Variants in NAALADL2 observed in about 807,000 individuals in gnomAD.
The protein encoded by NAALADL2 is inactive N-acetylated-alpha-linked acidic dipeptidase-like protein 2.
A neutral mutation model predicts 87.2 loss-of-function variants in NAALADL2; 76 were observed. The observed-to-expected ratio is 0.87, with a 90% CI of 0.72 to 1.05. The LOEUF (loss-of-function observed/expected upper bound fraction) is 1.05, where lower values mean the gene tolerates loss of function less well. Among genes scored for constraint, NAALADL2 ranks in the 50% least tolerant of loss-of-function variants. The pLI, the probability that NAALADL2 is intolerant of heterozygous loss-of-function variation, is 0.00. For synonymous variants in NAALADL2, 354 were observed against 331.0 expected, an observed-to-expected ratio of 1.07 and a Z score of -0.75; for missense variants, 1,089 against 945.8, an observed-to-expected ratio of 1.15 and a Z score of -1.99.
upstream of NAALADL2, among the ~76,000 whole-genome samples, chr3:174,856,967 T>TAC (rs1274811410): frequency 3.0e-3 from 464 of 152,184 alleles, 2 homozygotes; most frequent in African/African-American, 0.011. Context: ...CTATATGTGG[T>TAC]TCAAGCATTC....
At position 175,594,635 on chromosome 3, in the gene NAALADL2, G is replaced by A. The variant is rs143777759; in HGVS notation, c.1800+18448G>A. ...ACATTCCCATCAACAGTATATAAGC[G>A]TTACCTTTTGTCTGCATTTTTGCCA... On this transcript the variant is annotated intron_variant, in intron 10 of 13. Transcript: ENST00000454872. Among the ~76,000 whole-genome samples the A allele has an allele frequency of 2.1e-3, 319 of 152,176 alleles. 2 individuals are homozygous for A. The highest frequency in any genetic ancestry group is 7.2e-3 in the African/African-American group (297 of 41,536).
At chr3:174,636,455 T>TA (rs889839231) in intron 2 of NAALADL2, among the ~76,000 whole-genome samples, 8 of 151,914 alleles carry the variant, frequency 5.3e-5, no homozygotes, top group Admixed American at 3.9e-4. Context: ...CAAACAACAG[T>TA]AAAAATATAC....
rs532354120 is a variant in NAALADL2, at chr3:174,944,477, T to G, written c.43+85027T>G. ...CAGGGAGGTACAATGCTGCTACCAGTGGCTAGCTGGAATTCCAAGCCAGTC... is the reference window on the plus strand; with the variant it reads ...CAGGGAGGTACAATGCTGCTACCAGGGGCTAGCTGGAATTCCAAGCCAGTC... On this transcript the variant is annotated intron_variant, in intron 1 of 13. Coordinates refer to ENST00000454872, the MANE Select transcript of NAALADL2 (RefSeq NM_207015.3). 7.9e-5 allele frequency among the ~76,000 whole-genome samples: 12 copies of G among 152,178 alleles called. No individual in the cohort carries two copies. The South Asian group carries it at 2.3e-3, about 29-fold the overall frequency.
rs566034312 is a variant in NAALADL2 at position 174,918,547 on chromosome 3, T to G, written c.43+59097T>G. Among the ~76,000 whole-genome samples, 5 of 152,268 alleles carry G rather than the reference T, an allele frequency of 3.3e-5. No homozygotes were observed. The South Asian group carries it at 1.0e-3, about 32-fold the overall frequency. ...TGGATCATCTAGGTGATTGCGCTGA[T>G]CAAGGATCTGGCGGTTGATTGGCTG... is the stretch of plus-strand genomic sequence containing the variant. On this transcript the variant is annotated intron_variant, in intron 1 of 13. Coordinates refer to ENST00000454872, the MANE Select transcript of NAALADL2 (RefSeq NM_207015.3).
At chr3:175,202,855 T>C (rs1195012912) in intron 2 of NAALADL2, among the ~76,000 whole-genome samples, 1 of 151,914 alleles carries the variant, frequency 6.6e-6, no homozygotes, top group Non-Finnish European at 1.5e-5. Flanking sequence ...CTAGGAGGAT[T>C]ATGGCTGCCT....
At chr3:175,315,047 C>A (rs1052557436) in intron 4 of NAALADL2, among the ~76,000 whole-genome samples, 7 of 152,004 alleles carry the variant, frequency 4.6e-5, no homozygotes, top group African/African-American at 1.7e-4. Context: ...TACAATGTCA[C>A]TTGGTTTACT....
intron 1 of NAALADL2, among the ~76,000 whole-genome samples, chr3:174,875,116 A>T: frequency 9.9e-6 from 1 of 100,648 alleles, no homozygotes; most frequent in African/African-American, 5.5e-5. Context: ...CTGTCTCAAA[A>T]AAAAAAAAAA....
At chr3:174,823,269 A>T (rs1721624293) in intron 3 of NAALADL2, among the ~76,000 whole-genome samples, 1 of 151,890 alleles carries the variant, frequency 6.6e-6, no homozygotes, top group Non-Finnish European at 1.5e-5. Flanking sequence ...GACAGAACAA[A>T]TACAGCTCCT....
intron 13 of NAALADL2, among the ~76,000 whole-genome samples, chr3:175,788,667 A>G (rs572624894): frequency 1.3e-5 from 2 of 152,306 alleles, no homozygotes; most frequent in African/African-American, 4.8e-5. Flanking sequence ...ATATTCCTGT[A>G]GTTAAGTAAT....
intron 2 of NAALADL2, among the ~76,000 whole-genome samples, chr3:174,694,316 G>A (rs1008119846): frequency 3.3e-5 from 5 of 151,898 alleles, no homozygotes; most frequent in East Asian, 1.9e-4. Flanking sequence ...ATGTTATGTC[G>A]GACTGTTCCT....
At position 174,980,035 on chromosome 3, in the gene NAALADL2, T is replaced by C. The variant is rs372261221; in HGVS notation, c.44-116755T>C. Among the ~76,000 whole-genome samples, 5 of 152,276 alleles carry C rather than the reference T, an allele frequency of 3.3e-5. No individual in the cohort carries two copies. In the East Asian group the frequency reaches 9.7e-4, roughly 29 times the overall value. On this transcript the variant is annotated intron_variant, in intron 1 of 13. Transcript: ENST00000454872. Reference sequence around the variant, plus strand: ...CTCATGTTGCTTGGGCCAGGCCTACTCTCTCTTACCTGAGCCCACAGCCTA... The same window carrying C: ...CTCATGTTGCTTGGGCCAGGCCTACCCTCTCTTACCTGAGCCCACAGCCTA...
chr3:175,265,249 C>T (rs1751728910), intron 4 of NAALADL2, among the ~76,000 whole-genome samples: 1 of 151,644 alleles, frequency 6.6e-6, no homozygotes, highest in African/African-American at 2.4e-5. Flanking sequence ...ATGGTTATGA[C>T]ATTGAAATTC....
At chr3:175,368,765 T>A (rs1429608688) in intron 5 of NAALADL2, among the ~76,000 whole-genome samples, 1 of 152,170 alleles carries the variant, frequency 6.6e-6, no homozygotes, top group Admixed American at 6.6e-5. Context: ...TTATGTCGTA[T>A]AGCTTATTAC....
chr3:174,985,239 T>C lies in NAALADL2; in HGVS notation c.44-111551T>C, dbSNP rs144342400. 3.9e-3 allele frequency among the ~76,000 whole-genome samples: 596 copies of C among 152,294 alleles called. 11 individuals carry two copies. The highest frequency in any genetic ancestry group is 0.028 in the South Asian group (135 of 4,834). ...GTTCACTGTTGATCAGATCTGAGTA[T>C]AATAGAATCTTAGATTCCGAAGTGT... On this transcript the variant is annotated intron_variant, in intron 1 of 13. Coordinates refer to ENST00000454872, the MANE Select transcript of NAALADL2 (RefSeq NM_207015.3).
At chr3:174,711,758 A>G (rs1210158958) in intron 2 of NAALADL2, among the ~76,000 whole-genome samples, 1 of 152,132 alleles carries the variant, frequency 6.6e-6, no homozygotes, top group Non-Finnish European at 1.5e-5. Flanking sequence ...GTATCTCTGT[A>G]TTTTATTATA....
chr3:175,278,237 T>G (rs915561385), intron 4 of NAALADL2, among the ~76,000 whole-genome samples: 14 of 152,216 alleles, frequency 9.2e-5, no homozygotes, highest in Non-Finnish European at 1.8e-4. Flanking sequence ...TGTTCTCCAC[T>G]ATTATATCTT....
intron 5 of NAALADL2, among the ~76,000 whole-genome samples, chr3:175,330,911 A>G (rs1296365658): frequency 6.6e-6 from 1 of 152,092 alleles, no homozygotes; most frequent in African/African-American, 2.4e-5. Flanking sequence ...TGATTAGATT[A>G]ACAAATAAAA....
At chr3:174,475,857 G>GA (rs1180104081) in intron 1 of NAALADL2, among the ~76,000 whole-genome samples, 4 of 151,218 alleles carry the variant, frequency 2.6e-5, no homozygotes, top group South Asian at 2.1e-4. Flanking sequence ...GGGATATTAA[G>GA]AAAAAAAATG....
chr3:174,606,679 C>T (rs1356830408), intron 2 of NAALADL2, among the ~76,000 whole-genome samples: 1 of 152,060 alleles, frequency 6.6e-6, no homozygotes, highest in Admixed American at 6.5e-5. Context: ...GTGAAAAGAC[C>T]AAATCTACGT....
Sources: gnomAD v4.1 joint callset for allele counts (sites outside exome capture counted in the v4.1 genomes callset) on GRCh38, gnomAD v4.1.1 for gene constraint, MANE v1.5 for transcripts, NCBI Gene and HGNC (gene_info 2026-07-23, HGNC 2026-07-21) for gene names.